RABGEF1: variants seen among roughly 807,000 people sequenced by gnomAD.
RABGEF1 encodes the protein RAB guanine nucleotide exchange factor 1.
In RABGEF1, 26 loss-of-function variants were observed where a neutral mutation model predicts 57.3. The ratio of observed to expected loss-of-function variants is 0.45; its 90% confidence interval spans 0.33 to 0.63. The LOEUF is 0.63. Ranked by LOEUF, RABGEF1 falls within the 20% of genes least tolerant of loss-of-function variation. The probability of loss-of-function intolerance (pLI) is 0.02; values close to 1 mark genes in which losing one functional copy is unlikely to be tolerated. For synonymous variants in RABGEF1, 185 were observed against 210.7 expected, an observed-to-expected ratio of 0.88 and a Z score of 1.06; for missense variants, 464 against 607.6, an observed-to-expected ratio of 0.76 and a Z score of 2.48.
At chr7:66,804,707 A>T (rs1224223749) in intron 7 of RABGEF1, among the ~76,000 whole-genome samples, 1 of 150,918 alleles carries the variant, frequency 6.6e-6, no homozygotes, top group African/African-American at 2.4e-5. Flanking sequence ...TGCACTCTCC[A>T]GCCTGGGCAA....
At chr7:66,657,116 G>A in the RABGEF1 span, among the ~76,000 whole-genome samples, 214 of 152,292 alleles carry the variant, frequency 1.4e-3, 1 homozygote, top group African/African-American at 4.5e-3. Flanking sequence ...AGGAAAGAGA[G>A]CACTTGAACA....
intron 1 of RABGEF1, among the ~76,000 whole-genome samples, chr7:66,705,212 C>T (rs1793835554): frequency 6.6e-6 from 1 of 152,030 alleles, no homozygotes; most frequent in Non-Finnish European, 1.5e-5. Flanking sequence ...ACAAGCTTGG[C>T]CAACATGGTA....
At chr7:66,774,463 G>T (rs1399244646) in intron 2 of RABGEF1, among the ~76,000 whole-genome samples, 4 of 152,136 alleles carry the variant, frequency 2.6e-5, no homozygotes. Context: ...CTACCCTCTG[G>T]AGCCTTCCTG....
upstream of RABGEF1, among the ~76,000 whole-genome samples, chr7:66,738,275 T>C (rs1009046211): frequency 1.3e-5 from 2 of 152,120 alleles, no homozygotes; most frequent in Non-Finnish European, 2.9e-5. Flanking sequence ...TGCCTTGGCC[T>C]CCCAAAGTGC....
At chr7:66,729,885 T>C (rs1426776183) in intron 2 of RABGEF1, among the ~76,000 whole-genome samples, 1 of 152,258 alleles carries the variant, frequency 6.6e-6, no homozygotes, top group Non-Finnish European at 1.5e-5. Flanking sequence ...CTGTGCTGAC[T>C]GGCTTGGCAC....
At chr7:66,737,093 CGAGAGAGAGAGAGA>C (rs141745026), upstream of RABGEF1, among the ~76,000 whole-genome samples, 1 of 127,290 alleles carries the variant, frequency 7.9e-6, no homozygotes, top group Non-Finnish European at 1.7e-5. Flanking sequence ...AGAGCGAGAG[CGAGAGAGAGAGAGA>C]GAGAGAGAGA....
At chr7:66,683,141 T>A (rs1336444866) in intron 1 of RABGEF1, among the ~76,000 whole-genome samples, 1 of 152,142 alleles carries the variant, frequency 6.6e-6, no homozygotes, top group Non-Finnish European at 1.5e-5. Flanking sequence ...AACTGCTTTG[T>A]TTTTCCTTAT....
At chr7:66,697,722 TG>T (rs1442289299) in intron 1 of RABGEF1, among the ~76,000 whole-genome samples, 2 of 151,718 alleles carry the variant, frequency 1.3e-5, no homozygotes, top group African/African-American at 2.4e-5. Flanking sequence ...CTCAGCGAGG[TG>T]GGGGGTGTTC....
intron 3 of RABGEF1, among the ~76,000 whole-genome samples, chr7:66,779,141 A>G (rs1809257286): frequency 6.6e-6 from 1 of 151,896 alleles, no homozygotes; most frequent in African/African-American, 2.4e-5. Flanking sequence ...GAAGAAATCT[A>G]TAAATAAGGA....
At chr7:66,674,024 C>T in the RABGEF1 span, among the ~76,000 whole-genome samples, 1 of 152,226 alleles carries the variant, frequency 6.6e-6, no homozygotes, top group African/African-American at 2.4e-5. Context: ...TGCATAGCTA[C>T]AGAATAATAC....
chr7:66,682,007 T>A (rs917676608), upstream of RABGEF1, among the ~76,000 whole-genome samples: 7 of 152,194 alleles, frequency 4.6e-5, no homozygotes, highest in Admixed American at 4.6e-4. Context: ...CACCCTACTC[T>A]GTGTAAGCCT....
At chr7:66,803,370 G>A (rs1458892588) in intron 7 of RABGEF1, among the ~76,000 whole-genome samples, 2 of 152,172 alleles carry the variant, frequency 1.3e-5, no homozygotes. Flanking sequence ...AGTCTGAAAC[G>A]TTTATTCCTG....
intron 8 of RABGEF1, 49 bp from the exon 9 acceptor site, chr7:66,808,837 G>A (rs1318737970): frequency 6.9e-7 from 1 of 1,453,616 alleles, no homozygotes; most frequent in Middle Eastern, 1.8e-4. Flanking sequence ...ATCGACTCGA[G>A]TATGCATAGC....
upstream of RABGEF1, among the ~76,000 whole-genome samples, chr7:66,736,177 G>C (rs1162421040): frequency 6.6e-6 from 1 of 152,134 alleles, no homozygotes; most frequent in African/African-American, 2.4e-5. Context: ...AAGACCCCTA[G>C]TCATAGGTAA....
chr7:66,689,991 C>T (rs563411284), intron 1 of RABGEF1, among the ~76,000 whole-genome samples: 7 of 152,062 alleles, frequency 4.6e-5, no homozygotes, highest in African/African-American at 1.4e-4. Flanking sequence ...GGAGGAAATA[C>T]TTTCTAACTC....
At chr7:66,750,148 CT>C in intron 1 of RABGEF1, among the ~76,000 whole-genome samples, 1 of 152,016 alleles carries the variant, frequency 6.6e-6, no homozygotes, top group East Asian at 1.9e-4. Context: ...TAGATTTTGT[CT>C]GATGAGAGTG....
chr7:66,772,173 CTAT>C, intron 2 of RABGEF1, 95 bp downstream of exon 2: 1 of 1,033,376 alleles, frequency 9.7e-7, no homozygotes, highest in East Asian at 3.0e-5. Flanking sequence ...CTGCTTTGAG[CTAT>C]CAGCAAGTCA....
intron 4 of RABGEF1, among the ~76,000 whole-genome samples, chr7:66,794,304 T>A (rs1264850359): frequency 6.6e-6 from 1 of 150,968 alleles, no homozygotes; most frequent in East Asian, 1.9e-4. Flanking sequence ...TTCTCTCCCC[T>A]TTCTTTCTTT....
chr7:66,664,754 C>T, the RABGEF1 span, among the ~76,000 whole-genome samples: 15 of 152,318 alleles, frequency 9.8e-5, no homozygotes, highest in African/African-American at 2.2e-4. Flanking sequence ...GTCTCCGGTG[C>T]GCCGGCGGCT....
Sources: allele counts gnomAD v4.1 joint callset (sites outside exome capture counted in the v4.1 genomes callset), GRCh38; gene constraint gnomAD v4.1.1; transcripts MANE v1.5; gene names NCBI Gene and HGNC (gene_info 2026-07-23, HGNC 2026-07-21).